Variants in SDR42E1 observed in about 807,000 individuals in gnomAD.
SDR42E1 encodes the protein short-chain dehydrogenase/reductase family 42E member 1.
Under a neutral mutation model 2.6 loss-of-function variants are expected in SDR42E1, and 5 were observed. That is an observed-to-expected ratio of 1.94 (90% CI 1.01 to 4.08). The LOEUF (loss-of-function observed/expected upper bound fraction) is 4.08. Ranked by LOEUF, SDR42E1 falls within the 30% of genes most tolerant of loss-of-function variation. SDR42E1 has a pLI of 0.00. For synonymous variants in SDR42E1, 231 were observed against 188.3 expected (o/e 1.23, Z -1.86); for missense variants, 596 against 478.6 (o/e 1.25, Z -2.29).
intron 1 of SDR42E1, among the ~76,000 whole-genome samples, chr16:82,004,124 A>G (rs1912856702): frequency 1.3e-5 from 2 of 152,212 alleles, no homozygotes; most frequent in Non-Finnish European, 2.9e-5. Context: ...CAGATACCAA[A>G]AGGAAAAGGC....
At position 81,989,332 on chromosome 16, in the gene SDR42E1, C is replaced by A. The variant is rs528549348; in HGVS notation, c.*9779G>T. On this transcript the variant is annotated 3_prime_UTR_variant, in exon 3 of 3. Transcript: ENST00000328945. ...AGTAGTATGGGGAAAGACATGAACA[C>A]CACAGCCCTGTTTTCTATACAAATA... 35 of 152,282 alleles carry A rather than the reference C, an allele frequency of 2.3e-4. No homozygotes were observed. The highest frequency in any genetic ancestry group is 3.4e-3 in the Middle Eastern group (1 of 294). The allele number at this position is 152,282 out of a possible 1,614,324, so 9.4% of individuals were successfully genotyped here. A position where few individuals can be genotyped will look rare whatever the true frequency, so the allele number is the denominator to read the frequency against.
At chr16:82,010,746 G>A (rs764852737) in intron 1 of SDR42E1, among the ~76,000 whole-genome samples, 11 of 152,090 alleles carry the variant, frequency 7.2e-5, no homozygotes, top group Non-Finnish European at 1.6e-4. Flanking sequence ...TGTAGAAAAC[G>A]AAACTGGGCT....
chr16:81,999,484 A>T lies in SDR42E1; in HGVS notation c.809T>A (p.Val270Asp). 6.2e-7 allele frequency: 1 copy of T among 1,614,168 alleles called. No individual in the cohort carries two copies. Among genetic ancestry groups the T allele is most frequent in the East Asian group, 2.2e-5 (1 of 44,884 alleles). Residue 270 changes from valine to aspartate, a missense_variant, in exon 3 of 3, where the codon GTT becomes GAT. Val to Asp is a radical substitution (Grantham distance 152, BLOSUM62 -3). Coordinates refer to ENST00000328945, the MANE Select transcript of SDR42E1 (RefSeq NM_145168.3). Reference sequence around the variant, plus strand: ...CGGGAATGTGTAGCCCAGGCCCTCAACCAGAGGCCGGAAGAACTCAAAGTT... The same window carrying T: ...CGGGAATGTGTAGCCCAGGCCCTCATCCAGAGGCCGGAAGAACTCAAAGTT... ...VNNFEFFRPL[V>D]EGLGYTFPST...
Position 81,991,021 on chromosome 16 carries a change from C to G in SDR42E1, c.*8090G>C, listed in dbSNP as rs567580393. The G allele has an allele frequency of 6.6e-6, 1 of 152,122 alleles. No individual in the cohort carries two copies. Among genetic ancestry groups the G allele is most frequent in the Non-Finnish European group, 1.5e-5 (1 of 68,028 alleles). 9.4% of individuals were successfully genotyped at this position (152,122 alleles called of 1,614,324 possible). On this transcript the variant is annotated 3_prime_UTR_variant, in exon 3 of 3. Coordinates refer to ENST00000328945, the MANE Select transcript of SDR42E1 (RefSeq NM_145168.3). ...AGGGGAGGCAAAGAGCCATCAGCAG[C>G]GAATAATACTTGGGCTCTGCTCTCA...
intron 1 of SDR42E1, among the ~76,000 whole-genome samples, chr16:82,008,514 G>C (rs1913022634): frequency 6.6e-6 from 1 of 152,200 alleles, no homozygotes; most frequent in South Asian, 2.1e-4. Flanking sequence ...TCAGAGATGA[G>C]GAACTTGTTG....
In SDR42E1 at chr16:81,992,816, T is replaced by C. The variant is rs753369177; in HGVS notation, c.*6295A>G. On this transcript the variant is annotated 3_prime_UTR_variant, in exon 3 of 3. Transcript: ENST00000328945. ...TGAGTTCAATGAACTCAAGTAATTATGAACGCAACTTGAGTTCAATGAGTT... is the reference window on the plus strand; with the variant it reads ...TGAGTTCAATGAACTCAAGTAATTACGAACGCAACTTGAGTTCAATGAGTT... 26 of 152,226 alleles carry C rather than the reference T, an allele frequency of 1.7e-4. No individual in the cohort carries two copies. The highest frequency in any genetic ancestry group is 5.9e-4 in the Admixed American group (9 of 15,302). The allele number at this position is 152,226 out of a possible 1,614,324, so 9.4% of individuals were successfully genotyped here. A position where few individuals can be genotyped will look rare whatever the true frequency, so the allele number is the denominator to read the frequency against.
chr16:82,001,640 C>T (rs566437664), intron 1 of SDR42E1, among the ~76,000 whole-genome samples: 43 of 152,190 alleles, frequency 2.8e-4, no homozygotes, highest in Admixed American at 8.5e-4. Flanking sequence ...CGGTGGCTCA[C>T]ACTTGTAATC....
At position 81,990,488 on chromosome 16, in the gene SDR42E1, ATC is replaced by A. The variant is rs1489296171; in HGVS notation, c.*8621_*8622del. 1 of 152,200 alleles carries A rather than the reference ATC, an allele frequency of 6.6e-6. No individual in the cohort carries two copies. The highest frequency in any genetic ancestry group is 1.5e-5 in the Non-Finnish European group (1 of 68,044). 9.4% of individuals were successfully genotyped at this position (152,200 alleles called of 1,614,324 possible). A position where few individuals can be genotyped will look rare whatever the true frequency, so the allele number is the denominator to read the frequency against. Reference sequence around the variant, plus strand: ...CTCAAACTCCACTAGCATGTCTTGCATCTCTTCCTGTAGACACCAGCTTCCCC... The same window carrying A: ...CTCAAACTCCACTAGCATGTCTTGCATCTTCCTGTAGACACCAGCTTCCCC... On this transcript the variant is annotated 3_prime_UTR_variant, in exon 3 of 3. Transcript: ENST00000328945.
At chr16:82,009,939 G>T (rs1307086158) in intron 1 of SDR42E1, among the ~76,000 whole-genome samples, 12 of 152,230 alleles carry the variant, frequency 7.9e-5, no homozygotes, top group Admixed American at 7.8e-4. Flanking sequence ...TTTTTCCCAT[G>T]CCGTTCTCTT....
At chr16:82,000,978 G>C (rs1455199574) in intron 1 of SDR42E1, 94 bp from the exon 2 acceptor site, 1 of 741,052 alleles carries the variant, frequency 1.3e-6, no homozygotes, top group Non-Finnish European at 2.2e-6. Context: ...TCAATACGCT[G>C]TAGTAGAATG....
At position 81,989,310 on chromosome 16, in the gene SDR42E1, A is replaced by C. The variant is rs1216528804; in HGVS notation, c.*9801T>G. The C allele has an allele frequency of 1.3e-5, 2 of 152,248 alleles. No homozygotes were observed. Among genetic ancestry groups the C allele is most frequent in the Admixed American group, 1.3e-4 (2 of 15,288 alleles). 9.4% of individuals were successfully genotyped at this position (152,248 alleles called of 1,614,324 possible). On this transcript the variant is annotated 3_prime_UTR_variant, in exon 3 of 3. Coordinates refer to ENST00000328945, the MANE Select transcript of SDR42E1 (RefSeq NM_145168.3). The stretch of plus-strand genomic sequence containing the variant: ...AAGGAACTGTGAGGTGGGAGACAGT[A>C]GTATGGGGAAAGACATGAACACCAC...
At position 81,998,194 on chromosome 16, in the gene SDR42E1, C is replaced by G. The variant is rs1483013398; in HGVS notation, c.*917G>C. 6.6e-6 allele frequency: 1 copy of G among 152,250 alleles called. No homozygotes were observed. Among genetic ancestry groups the G allele is most frequent in the Non-Finnish European group, 1.5e-5 (1 of 68,048 alleles). 9.4% of individuals were successfully genotyped at this position (152,250 alleles called of 1,614,324 possible). A position where few individuals can be genotyped will look rare whatever the true frequency, so the allele number is the denominator to read the frequency against. On this transcript the variant is annotated 3_prime_UTR_variant, in exon 3 of 3. Transcript: ENST00000328945. ...AGAAAACCCATCTATGAGTTTAGAGCTCTGCTTCATTTTTAAACTAAAAAT... is the reference window on the plus strand; with the variant it reads ...AGAAAACCCATCTATGAGTTTAGAGGTCTGCTTCATTTTTAAACTAAAAAT...
At chr16:82,007,834 C>G (rs1281203229) in intron 1 of SDR42E1, 6 of 152,214 alleles carry the variant, frequency 3.9e-5, no homozygotes, top group Non-Finnish European at 8.8e-5. Flanking sequence ...CCTGTGTTAC[C>G]CTAGGCAATT....
chr16:82,000,798 C>G lies in SDR42E1; in HGVS notation c.61G>C (p.Gly21Arg), dbSNP rs77186961. 1 of 1,613,196 alleles carries G rather than the reference C, an allele frequency of 6.2e-7. No individual in the cohort carries two copies. Among genetic ancestry groups the G allele is most frequent in the Non-Finnish European group, 8.5e-7 (1 of 1,179,548 alleles). ...VLITGGSGYFGFRLGCALNQN... is the reference protein window; with the variant it reads ...VLITGGSGYFRFRLGCALNQN... ...TTTTATAGATACACTTACCGAAAAC[C>G]AAAATAGCCACTTCCTCCTGTAATG... The change falls in exon 2 of 3, where the codon GGT (glycine) becomes CGT (arginine). Residue 21 changes from glycine (G) to arginine (R), a missense_variant. By Grantham distance (125) the Gly-to-Arg change is moderately radical. Transcript: ENST00000328945.
Position 81,999,141 on chromosome 16 carries a change from C to A in SDR42E1, c.1152G>T (p.Trp384Cys). Reference sequence around the variant, plus strand: ...GTGACAGAATCACAGAAGAAGGCAGCCACATGAGAACTGCTATAATCAGGA... The same window carrying A: ...GTGACAGAATCACAGAAGAAGGCAGACACATGAGAACTGCTATAATCAGGA... ...VFLLIIAVLM[W>C]LPSSVILSL Residue 384 changes from tryptophan (W) to cysteine (C), a missense_variant, in exon 3 of 3, where the codon TGG (tryptophan) becomes TGT (cysteine). Transcript: ENST00000328945. 6.2e-7 allele frequency: 1 copy of A among 1,614,028 alleles called. No individual in the cohort carries two copies. Among genetic ancestry groups the A allele is most frequent in the Non-Finnish European group, 8.5e-7 (1 of 1,179,974 alleles).
chr16:82,000,425 T>A (rs1912719212), intron 2 of SDR42E1: 1 of 729,188 alleles, frequency 1.4e-6, no homozygotes, highest in African/African-American at 1.7e-5. Flanking sequence ...CTACTTAAAT[T>A]ACAAAGAGAG....
rs200424203 is a variant in SDR42E1 at position 81,999,873 on chromosome 16, C to A, written c.420G>T (p.Leu140=). The A allele has an allele frequency of 3.1e-6, 5 of 1,614,186 alleles. No homozygotes were observed. The highest frequency in any genetic ancestry group is 1.3e-5 in the African/African-American group (1 of 75,034). ...GGTGGAGGTGAAGAGGCAGGTAGGGCAGAGATTCATCCCCATTTCTGATAA... is the reference window on the plus strand; with the variant it reads ...GGTGGAGGTGAAGAGGCAGGTAGGGAAGAGATTCATCCCCATTTCTGATAA... ...GQVIRNGDES[L]PYLPLHLHPD... Residue 140 remains leucine (L), a synonymous_variant, in exon 3 of 3, where the codon CTG becomes CTT. Coordinates refer to ENST00000328945, the MANE Select transcript of SDR42E1 (RefSeq NM_145168.3).
At chr16:82,006,785 T>A (rs901360849) in intron 1 of SDR42E1, among the ~76,000 whole-genome samples, 1 of 151,650 alleles carries the variant, frequency 6.6e-6, no homozygotes, top group African/African-American at 2.4e-5. Context: ...CAGAGGGAGA[T>A]TCCATCTCAA....
chr16:82,008,690 T>C (rs1425797161), intron 1 of SDR42E1, among the ~76,000 whole-genome samples: 2 of 152,180 alleles, frequency 1.3e-5, no homozygotes, highest in Non-Finnish European at 2.9e-5. Context: ...AGAGTGTAGG[T>C]TTGAAAAATT....
Sources: allele counts gnomAD v4.1 joint callset (sites outside exome capture counted in the v4.1 genomes callset), GRCh38; gene constraint gnomAD v4.1.1; transcripts MANE v1.5; gene names NCBI Gene and HGNC (gene_info 2026-07-23, HGNC 2026-07-21).